Variants in CCL24 observed in about 807,000 individuals in gnomAD.
The protein encoded by CCL24 is C-C motif chemokine ligand 24, also known as C-C motif chemokine 24.
CCL24 carries 6 observed loss-of-function variants against 8.6 expected under a neutral mutation model. That is an observed-to-expected ratio of 0.70 (90% CI 0.38 to 1.38). The LOEUF is 1.38. Ranked by LOEUF, CCL24 falls within the 40% of genes most tolerant of loss-of-function variation. The pLI, the probability that CCL24 is intolerant of heterozygous loss-of-function variation, is 0.02. For missense variants in CCL24, 126 were observed against 147.1 expected (o/e 0.86, Z 0.74); for synonymous variants, 59 against 52.7 (o/e 1.12, Z -0.52).
intron 1 of CCL24, among the ~76,000 whole-genome samples, chr7:75,820,130 TCTCCTCCTCCTC>T (rs1212625006): frequency 2.5e-5 from 2 of 81,374 alleles, no homozygotes; most frequent in African/African-American, 7.8e-5. Context: ...TTCTTCTTCT[TCTCCTCCTCCTC>T]CTCCTCCTCC....
At chr7:75,823,085 C>A (rs1029447264) in intron 1 of CCL24, among the ~76,000 whole-genome samples, 1 of 152,152 alleles carries the variant, frequency 6.6e-6, no homozygotes, top group Non-Finnish European at 1.5e-5. Flanking sequence ...TCCATCAATT[C>A]TTTCTTGCAT....
Position 75,811,206 on chromosome 7 carries a change from T to C in CCL24, c.*590A>G, listed in dbSNP as rs117850153. ...CATAAAAGTTTGAGTAGGCTGGGTG[T>C]GGTGGCTCATGCCTGTAATCCCAGC... On this transcript the variant is annotated 3_prime_UTR_variant, in exon 3 of 3. Transcript: ENST00000222902. Among the ~76,000 whole-genome samples the C allele has an allele frequency of 0.11, 16,393 of 150,744 alleles. 1,120 individuals are homozygous for C. Among genetic ancestry groups the C allele is most frequent in the Middle Eastern group, 0.15 (43 of 288 alleles).
Position 75,810,851 on chromosome 7 carries a change from A to G in CCL24, c.*945T>C, listed in dbSNP as rs1035433798. ...TCAAAGAAAAAAAGAATCGCATTTT[A>G]TTTGGCCTATTATTTGAGAACAGCA... On this transcript the variant is annotated 3_prime_UTR_variant, in exon 3 of 3. Transcript: ENST00000222902. Among the ~76,000 whole-genome samples the G allele has an allele frequency of 6.6e-6, 1 of 151,828 alleles. No homozygotes were observed. Among genetic ancestry groups the G allele is most frequent in the Non-Finnish European group, 1.5e-5 (1 of 67,948 alleles).
At chr7:75,815,521 C>T (rs1803870837), upstream of CCL24, among the ~76,000 whole-genome samples, 1 of 152,010 alleles carries the variant, frequency 6.6e-6, no homozygotes, top group Non-Finnish European at 1.5e-5. Context: ...GGAAAACTGG[C>T]CAATTGTGCC....
At chr7:75,822,067 A>C (rs567549043) in intron 1 of CCL24, among the ~76,000 whole-genome samples, 1 of 151,958 alleles carries the variant, frequency 6.6e-6, no homozygotes, top group Non-Finnish European at 1.5e-5. Context: ...GCACCATTGC[A>C]CTCTAGCCTG....
At chr7:75,820,500 C>T (rs1390305479) in intron 1 of CCL24, among the ~76,000 whole-genome samples, 1 of 152,108 alleles carries the variant, frequency 6.6e-6, no homozygotes, top group Non-Finnish European at 1.5e-5. Flanking sequence ...CAAGTCTTCA[C>T]CATCTAGCAG....
intron 1 of CCL24, among the ~76,000 whole-genome samples, chr7:75,819,289 AAAAAAAAAAAAAAAATATATATATAT>A (rs1803965772): frequency 4.5e-5 from 1 of 22,438 alleles, no homozygotes; most frequent in Middle Eastern, 0.019. Context: ...AAAAAAAAAA[AAAAAAAAAAAAAAAATATATATATAT>A]ATATATATAT....
chr7:75,818,791 G>A (rs537591545), upstream of CCL24, among the ~76,000 whole-genome samples: 6 of 151,992 alleles, frequency 3.9e-5, no homozygotes, highest in East Asian at 1.2e-3. Flanking sequence ...TCTTGGCCTC[G>A]GTTTCTCCAT....
chr7:75,820,086 T>C (rs868953920), intron 1 of CCL24, among the ~76,000 whole-genome samples: 92 of 133,600 alleles, frequency 6.9e-4, no homozygotes, highest in African/African-American at 2.4e-3. Context: ...CTTCTTCTTC[T>C]TCCTCTTCTT....
At position 75,811,142 on chromosome 7, in the gene CCL24, TC is replaced by T. The variant is rs1247516692; in HGVS notation, c.*653del. ...TTCACCCCAGTCCTCCACGTTCATT[TC>T]CTTTAAAAAAAAAAAAATTATGATT... On this transcript the variant is annotated 3_prime_UTR_variant, in exon 3 of 3. Coordinates refer to ENST00000222902, the MANE Select transcript of CCL24 (RefSeq NM_002991.3). 1.4e-4 allele frequency among the ~76,000 whole-genome samples: 20 copies of T among 144,698 alleles called. No homozygotes were observed. The highest frequency in any genetic ancestry group is 1.1e-3 in the East Asian group (5 of 4,534). 94.9% of individuals were successfully genotyped at this position (144,698 alleles called of 152,430 possible). A position where few individuals can be genotyped will look rare whatever the true frequency, so the allele number is the denominator to read the frequency against.
intron 1 of CCL24, among the ~76,000 whole-genome samples, chr7:75,821,844 C>A (rs1016099325): frequency 6.7e-6 from 1 of 150,260 alleles, no homozygotes; most frequent in Non-Finnish European, 1.5e-5. Context: ...AGGAGAATGG[C>A]GTGAACCCGG....
At chr7:75,815,779 C>T (rs1803877004), upstream of CCL24, among the ~76,000 whole-genome samples, 1 of 152,104 alleles carries the variant, frequency 6.6e-6, no homozygotes, top group Non-Finnish European at 1.5e-5. Context: ...CTGACTGCCA[C>T]GGAGGCTCTA....
In CCL24 at chr7:75,820,142, C is replaced by T. The variant is rs527460476; in HGVS notation, c.-60+3180G>A. ...TTCTTCTTCTTCTTCTCCTCCTCCT[C>T]CTCCTCCTCCTTCTCCTTCTCCTTC... On this transcript the variant is annotated intron_variant, in intron 1 of 3. Coordinates refer to the CCL24 transcript ENST00000416943. Among the ~76,000 whole-genome samples, 452 of 113,886 alleles carry T rather than the reference C, an allele frequency of 4.0e-3. 8 individuals are homozygous for T. Among genetic ancestry groups the T allele is most frequent in the East Asian group, 0.011 (30 of 2,632 alleles). The allele number at this position is 113,886 out of a possible 152,430, so 74.7% of individuals were successfully genotyped here. A position where few individuals can be genotyped will look rare whatever the true frequency, so the allele number is the denominator to read the frequency against.
At chr7:75,821,985 C>A (rs1025959355) in intron 1 of CCL24, among the ~76,000 whole-genome samples, 4 of 151,780 alleles carry the variant, frequency 2.6e-5, no homozygotes, top group Admixed American at 6.6e-5. Flanking sequence ...GCCTGTAATC[C>A]CAGCTACTCC....
upstream of CCL24, among the ~76,000 whole-genome samples, chr7:75,816,872 A>AG: frequency 7.0e-6 from 1 of 142,884 alleles, no homozygotes; most frequent in Middle Eastern, 4.7e-3. Flanking sequence ...AAAAAAAAAA[A>AG]AAAAAAATTT....
chr7:75,820,092 T>TTCTTCC (rs1563353925), intron 1 of CCL24, among the ~76,000 whole-genome samples: 9 of 122,780 alleles, frequency 7.3e-5, no homozygotes, highest in African/African-American at 1.8e-4. Flanking sequence ...CTTCTTCCTC[T>TTCTTCC]TCTTCTTCTT....
At chr7:75,818,158 A>G (rs1425183335), upstream of CCL24, among the ~76,000 whole-genome samples, 1 of 152,094 alleles carries the variant, frequency 6.6e-6, no homozygotes, top group Non-Finnish European at 1.5e-5. Context: ...TGCTCTATAC[A>G]GGGAAATTGT....
upstream of CCL24, among the ~76,000 whole-genome samples, chr7:75,816,486 G>A (rs1247815345): frequency 6.6e-6 from 1 of 152,124 alleles, no homozygotes; most frequent in African/African-American, 2.4e-5. Flanking sequence ...GAGCAATTAG[G>A]GAGGATTAAG....
At chr7:75,813,605 G>C in intron 1 of CCL24, 38 bp downstream of exon 1, 1 of 1,567,044 alleles carries the variant, frequency 6.4e-7, no homozygotes, top group African/African-American at 1.4e-5. Flanking sequence ...TGCCATCCCA[G>C]CCATGCCCTT....
Sources: gnomAD v4.1 joint callset for allele counts (sites outside exome capture counted in the v4.1 genomes callset) on GRCh38, gnomAD v4.1.1 for gene constraint, MANE v1.5 for transcripts, NCBI Gene and HGNC (gene_info 2026-07-23, HGNC 2026-07-21) for gene names.